Variants in DCC observed in about 807,000 individuals in gnomAD.
DCC encodes netrin receptor DCC.
DCC carries 58 observed loss-of-function variants against 172.5 expected under a neutral mutation model. That is an observed-to-expected ratio of 0.34 (90% confidence interval 0.27 to 0.42). The LOEUF (loss-of-function observed/expected upper bound fraction) is 0.42. Ranked by LOEUF, DCC falls within the 10% of genes least tolerant of loss-of-function variation. The probability of loss-of-function intolerance (pLI) is 1.00; values close to 1 mark genes in which losing one functional copy is unlikely to be tolerated. For missense variants in DCC, 1,740 were observed against 1,791.0 expected, an observed-to-expected ratio of 0.97 and a Z score of 0.51; for synonymous variants, 709 against 644.5, an observed-to-expected ratio of 1.10 and a Z score of -1.52.
In DCC at chr18:53,184,818, G is replaced by A. The variant is rs186832777; in HGVS notation, c.1573+5702G>A. 5.3e-5 allele frequency among the ~76,000 whole-genome samples: 8 copies of A among 152,128 alleles called. No homozygotes were observed. The East Asian group carries it at 1.5e-3, about 29-fold the overall frequency. The stretch of plus-strand genomic sequence containing the variant: ...GTTGATGCTGGTAGAATATGGTTTG[G>A]GAAAGATACAAAATATCAGTTATAT... On this transcript the variant is annotated intron_variant, in intron 9 of 28. Transcript: ENST00000442544.
At chr18:52,381,851 C>A (rs1379706078) in intron 1 of DCC, among the ~76,000 whole-genome samples, 1 of 152,052 alleles carries the variant, frequency 6.6e-6, no homozygotes. Context: ...ATATTCCACC[C>A]CAAATGCTAA....
At chr18:52,544,230 C>T (rs2032548202) in intron 1 of DCC, among the ~76,000 whole-genome samples, 1 of 152,134 alleles carries the variant, frequency 6.6e-6, no homozygotes, top group African/African-American at 2.4e-5. Context: ...GTCATTATTC[C>T]GTTTGAACCA....
chr18:52,710,068 T>C (rs1377436574), intron 1 of DCC, among the ~76,000 whole-genome samples: 1 of 152,238 alleles, frequency 6.6e-6, no homozygotes, highest in Non-Finnish European at 1.5e-5. Flanking sequence ...AAGTGTTTGC[T>C]ATCCTCCACC....
intron 7 of DCC, among the ~76,000 whole-genome samples, chr18:53,143,400 G>T (rs2043859676): frequency 6.6e-6 from 1 of 152,160 alleles, no homozygotes; most frequent in Non-Finnish European, 1.5e-5. Context: ...AAGAGTTTAA[G>T]AATAAAACTC....
intron 15 of DCC, among the ~76,000 whole-genome samples, chr18:53,359,772 A>C (rs17412636): frequency 0.3 from 45,315 of 152,030 alleles, 8,636 homozygotes; most frequent in Non-Finnish European, 0.44. Flanking sequence ...AGAATTCCTC[A>C]AGGAGAAGCC....
intron 12 of DCC, among the ~76,000 whole-genome samples, chr18:53,261,095 A>T (rs1409092582): frequency 6.6e-6 from 1 of 152,110 alleles, no homozygotes; most frequent in African/African-American, 2.4e-5. Flanking sequence ...TCCAGGTGCC[A>T]TCTCTCACCC....
At chr18:52,572,251 C>G (rs184883715) in intron 1 of DCC, among the ~76,000 whole-genome samples, 1 of 152,132 alleles carries the variant, frequency 6.6e-6, no homozygotes, top group Non-Finnish European at 1.5e-5. Flanking sequence ...ATATAAATAT[C>G]CCCCTCGTCG....
intron 1 of DCC, among the ~76,000 whole-genome samples, chr18:52,662,591 G>C: frequency 7.0e-6 from 1 of 142,446 alleles, no homozygotes; most frequent in Non-Finnish European, 1.5e-5. Flanking sequence ...AGGAAGGAAA[G>C]AAAGGGAGGG....
In DCC at chr18:53,352,665, A is replaced by G. The variant is rs374185648; in HGVS notation, c.2359+12758A>G. Among the ~76,000 whole-genome samples, 142 of 152,292 alleles carry G rather than the reference A, an allele frequency of 9.3e-4. 1 individual carries two copies. The highest frequency in any genetic ancestry group is 3.0e-3 in the African/African-American group (126 of 41,578). The stretch of plus-strand genomic sequence containing the variant: ...GCAGCACACACTTGGAGTTTTCATC[A>G]TATCCAATCTGTCAATCTCTGACTT... On this transcript the variant is annotated intron_variant, in intron 15 of 28. Coordinates refer to ENST00000442544, the MANE Select transcript of DCC (RefSeq NM_005215.4).
intron 7 of DCC, among the ~76,000 whole-genome samples, chr18:53,139,251 A>T (rs2144343691): frequency 6.6e-6 from 1 of 152,286 alleles, no homozygotes; most frequent in South Asian, 2.1e-4. Flanking sequence ...GGGGCTGGCA[A>T]TTTATGGTGC....
intron 1 of DCC, among the ~76,000 whole-genome samples, chr18:52,693,167 C>A (rs2035957309): frequency 8.8e-6 from 1 of 114,002 alleles, no homozygotes; most frequent in African/African-American, 3.3e-5. Context: ...GGATTTGAGT[C>A]AGAGACATTA....
intron 2 of DCC, among the ~76,000 whole-genome samples, chr18:52,870,792 C>A (rs1034601185): frequency 1.3e-5 from 2 of 151,086 alleles, no homozygotes; most frequent in African/African-American, 4.9e-5. Context: ...GACCCCTACC[C>A]ACCAAACTAT....
intron 1 of DCC, among the ~76,000 whole-genome samples, chr18:52,486,631 C>G (rs1249522719): frequency 1.3e-5 from 2 of 152,102 alleles, no homozygotes; most frequent in African/African-American, 2.4e-5. Flanking sequence ...GAAAATTTCT[C>G]CCTGGCTCAT....
intron 2 of DCC, among the ~76,000 whole-genome samples, chr18:52,759,818 A>G (rs2037130749): frequency 6.6e-6 from 1 of 152,256 alleles, no homozygotes; most frequent in Admixed American, 6.5e-5. Flanking sequence ...AGAAAAAAGC[A>G]TAACAAATTT....
At chr18:52,796,201 A>G (rs908471987) in intron 2 of DCC, among the ~76,000 whole-genome samples, 2 of 151,806 alleles carry the variant, frequency 1.3e-5, no homozygotes, top group Non-Finnish European at 2.9e-5. Context: ...AAATGCATTC[A>G]TCTAGTCTAC....
chr18:52,630,232 T>C (rs2034650098), intron 1 of DCC, among the ~76,000 whole-genome samples: 1 of 152,222 alleles, frequency 6.6e-6, no homozygotes, highest in Admixed American at 6.5e-5. Context: ...TGAAAGAAGA[T>C]ATATAGTGAG....
chr18:53,366,078 C>T (rs1273958536), intron 15 of DCC, among the ~76,000 whole-genome samples: 1 of 150,642 alleles, frequency 6.6e-6, no homozygotes, highest in Non-Finnish European at 1.5e-5. Context: ...TTTTTTGAGA[C>T]AGGGTTTCAC....
At chr18:52,824,302 T>C (rs1406950585) in intron 2 of DCC, among the ~76,000 whole-genome samples, 2 of 152,218 alleles carry the variant, frequency 1.3e-5, no homozygotes, top group Admixed American at 1.3e-4. Flanking sequence ...ATGGCAGGTT[T>C]ATTTCAAAAT....
chr18:53,409,986 T>G (rs1909886934), intron 19 of DCC, among the ~76,000 whole-genome samples: 1 of 152,296 alleles, frequency 6.6e-6, no homozygotes, highest in Non-Finnish European at 1.5e-5. Context: ...GTTACAGTGA[T>G]CAAATATCAT....
Sources: allele counts gnomAD v4.1 joint callset (sites outside exome capture counted in the v4.1 genomes callset), GRCh38; gene constraint gnomAD v4.1.1; transcripts MANE v1.5; gene names NCBI Gene and HGNC (gene_info 2026-07-23, HGNC 2026-07-21).